Variants in PLXDC2 observed in about 807,000 individuals in gnomAD.
PLXDC2 encodes the protein plexin domain-containing protein 2.
Under a neutral mutation model 68.9 loss-of-function variants are expected in PLXDC2, and 40 were observed. The ratio of observed to expected loss-of-function variants is 0.58; its 90% CI spans 0.45 to 0.76. The LOEUF (loss-of-function observed/expected upper bound fraction) is 0.76. Among genes scored for constraint, PLXDC2 ranks in the 30% least tolerant of loss-of-function variants. The pLI, the probability that PLXDC2 is intolerant of heterozygous loss-of-function variation, is 0.00. For synonymous variants in PLXDC2, 243 were observed against 234.2 expected, an observed-to-expected ratio of 1.04 and a Z score of -0.34; for missense variants, 644 against 661.9, an observed-to-expected ratio of 0.97 and a Z score of 0.30.
Position 20,286,870 on chromosome 10 carries a change from A to G in PLXDC2, c.*7051A>G, listed in dbSNP as rs1251677366. On this transcript the variant is annotated 3_prime_UTR_variant, in exon 14 of 14. Transcript: ENST00000377252. Reference sequence around the variant, plus strand: ...CGCCCAAGTAGCTGGGATTACAGGCATATGCCACTACAGCCGGCTAATTTT... The same window carrying G: ...CGCCCAAGTAGCTGGGATTACAGGCGTATGCCACTACAGCCGGCTAATTTT... 6.6e-6 allele frequency: 1 copy of G among 152,472 alleles called. No homozygotes were observed. Among genetic ancestry groups the G allele is most frequent in the African/African-American group, 2.4e-5 (1 of 41,424 alleles). 9.4% of individuals were successfully genotyped at this position (152,472 alleles called of 1,614,324 possible).
At chr10:19,944,807 C>G (rs560453090) in intron 1 of PLXDC2, among the ~76,000 whole-genome samples, 5 of 152,050 alleles carry the variant, frequency 3.3e-5, no homozygotes, top group Non-Finnish European at 7.4e-5. Flanking sequence ...AAAAAAATAG[C>G]CAGGTGTGGT....
At chr10:20,095,406 T>C (rs1041270502) in intron 4 of PLXDC2, among the ~76,000 whole-genome samples, 3 of 152,132 alleles carry the variant, frequency 2.0e-5, no homozygotes, top group Non-Finnish European at 4.4e-5. Flanking sequence ...AAAGAACAAC[T>C]AACTTACTTG....
chr10:20,104,200 C>T (rs1244290698), intron 4 of PLXDC2, among the ~76,000 whole-genome samples: 4 of 152,188 alleles, frequency 2.6e-5, no homozygotes, highest in South Asian at 2.1e-4. Context: ...TCTAGGGAAA[C>T]GCAATGAGAT....
intron 1 of PLXDC2, among the ~76,000 whole-genome samples, chr10:19,846,938 G>A: frequency 6.6e-6 from 1 of 152,172 alleles, no homozygotes; most frequent in Non-Finnish European, 1.5e-5. Context: ...GTCTTACACG[G>A]CAGCGGGCAA....
intron 9 of PLXDC2, among the ~76,000 whole-genome samples, chr10:20,178,421 G>A (rs1474020541): frequency 6.6e-6 from 1 of 152,062 alleles, no homozygotes; most frequent in Non-Finnish European, 1.5e-5. Flanking sequence ...TGGGAACACA[G>A]CAGTAAACAA....
intron 10 of PLXDC2, among the ~76,000 whole-genome samples, chr10:20,214,193 T>C (rs1363109632): frequency 1.3e-5 from 2 of 152,206 alleles, no homozygotes; most frequent in Non-Finnish European, 2.9e-5. Flanking sequence ...ATGATTTTTG[T>C]ATATTCCATA....
intron 1 of PLXDC2, among the ~76,000 whole-genome samples, chr10:19,890,705 T>TA (rs1837943587): frequency 1.3e-5 from 1 of 74,796 alleles, no homozygotes; most frequent in African/African-American, 5.0e-5. Flanking sequence ...TTTTTTTTTT[T>TA]AAATCAAGAA....
At chr10:20,017,522 A>G (rs536476749) in intron 2 of PLXDC2, among the ~76,000 whole-genome samples, 137 of 152,302 alleles carry the variant, frequency 9.0e-4, no homozygotes, top group African/African-American at 3.2e-3. Flanking sequence ...CACATGAAGA[A>G]ACCGAATTCC....
intron 2 of PLXDC2, among the ~76,000 whole-genome samples, chr10:20,015,012 A>T (rs1835186296): frequency 6.6e-6 from 1 of 152,216 alleles, no homozygotes; most frequent in Non-Finnish European, 1.5e-5. Context: ...AGAATCGAGG[A>T]AGAGAAAATG....
intron 12 of PLXDC2, among the ~76,000 whole-genome samples, chr10:20,222,268 G>A (rs1011796145): frequency 6.6e-6 from 1 of 152,086 alleles, no homozygotes; most frequent in African/African-American, 2.4e-5. Flanking sequence ...TTTTCTTAAT[G>A]GGATCCACTG....
rs1176040281 is a variant in PLXDC2 at position 20,280,058 on chromosome 10, A to G, written c.*239A>G. Reference sequence around the variant, plus strand: ...AGAATTCCCTAGTGGAATGTCATCTATAGTTCACTCGGAACATCTCCCGTG... The same window carrying G: ...AGAATTCCCTAGTGGAATGTCATCTGTAGTTCACTCGGAACATCTCCCGTG... On this transcript the variant is annotated 3_prime_UTR_variant, in exon 14 of 14. Coordinates refer to ENST00000377252, the MANE Select transcript of PLXDC2 (RefSeq NM_032812.9). The G allele has an allele frequency of 9.0e-6, 4 of 443,520 alleles. No homozygotes were observed. Among genetic ancestry groups the G allele is most frequent in the Non-Finnish European group, 1.6e-5 (4 of 249,466 alleles). 27.5% of individuals were successfully genotyped at this position (443,520 alleles called of 1,614,324 possible). A position where few individuals can be genotyped will look rare whatever the true frequency, so the allele number is the denominator to read the frequency against.
At chr10:20,011,708 C>T (rs1218925124) in intron 2 of PLXDC2, among the ~76,000 whole-genome samples, 2 of 152,144 alleles carry the variant, frequency 1.3e-5, no homozygotes, top group East Asian at 3.9e-4. Flanking sequence ...GATTGTAGCT[C>T]AAAGGCTAAA....
At chr10:19,867,064 CTTTT>C (rs61651939) in intron 1 of PLXDC2, among the ~76,000 whole-genome samples, 1 of 124,730 alleles carries the variant, frequency 8.0e-6, no homozygotes. Flanking sequence ...TCCTTTCCCT[CTTTT>C]TTTTTTTTTT....
intron 4 of PLXDC2, among the ~76,000 whole-genome samples, chr10:20,098,368 T>C (rs997421349): frequency 6.6e-6 from 1 of 151,500 alleles, no homozygotes; most frequent in African/African-American, 2.4e-5. Flanking sequence ...TGTGTGTGTG[T>C]GTGTGTGTGT....
chr10:19,836,098 G>A (rs1432933440), intron 1 of PLXDC2, among the ~76,000 whole-genome samples: 1 of 152,004 alleles, frequency 6.6e-6, no homozygotes, highest in Admixed American at 6.6e-5. Flanking sequence ...GATTTCTTGA[G>A]CCCAAGAGGT....
chr10:20,224,248 A>G (rs2131870853), intron 12 of PLXDC2, among the ~76,000 whole-genome samples: 1 of 152,266 alleles, frequency 6.6e-6, no homozygotes, highest in African/African-American at 2.4e-5. Context: ...TGATGGGATT[A>G]CAGGTGTGAG....
At chr10:19,985,386 T>G (rs149585603) in intron 1 of PLXDC2, among the ~76,000 whole-genome samples, 1 of 152,364 alleles carries the variant, frequency 6.6e-6, no homozygotes, top group Non-Finnish European at 1.5e-5. Context: ...GCAGGAAGTT[T>G]AAATCCACTT....
At chr10:20,242,252 C>T (rs1835526237) in intron 12 of PLXDC2, among the ~76,000 whole-genome samples, 1 of 152,158 alleles carries the variant, frequency 6.6e-6, no homozygotes, top group Non-Finnish European at 1.5e-5. Flanking sequence ...AAAAGCAACA[C>T]ATTTTAAGGG....
At chr10:20,125,039 G>T (rs1564324171) in intron 4 of PLXDC2, among the ~76,000 whole-genome samples, 1 of 152,144 alleles carries the variant, frequency 6.6e-6, no homozygotes, top group Admixed American at 6.5e-5. Context: ...AAATATTGCA[G>T]TTGGCATTTG....
Sources: gnomAD v4.1 joint callset for allele counts (sites outside exome capture counted in the v4.1 genomes callset) on GRCh38, gnomAD v4.1.1 for gene constraint, MANE v1.5 for transcripts, NCBI Gene and HGNC (gene_info 2026-07-23, HGNC 2026-07-21) for gene names.